The following COL26A1 variants were observed in gnomAD, a reference collection of about 807,000 sequenced individuals.
The protein encoded by COL26A1 is collagen type XXVI alpha 1 chain.
In COL26A1, 41 loss-of-function variants were observed where a neutral mutation model predicts 59.3. That is an observed-to-expected ratio of 0.69 (90% confidence interval 0.54 to 0.90). The LOEUF (loss-of-function observed/expected upper bound fraction) is 0.90, where lower values mean the gene tolerates loss of function less well. Among genes scored for constraint, COL26A1 ranks in the 40% least tolerant of loss-of-function variants. The pLI is 0.00. For synonymous variants in COL26A1, 266 were observed against 256.0 expected, an observed-to-expected ratio of 1.04 and a Z score of -0.37; for missense variants, 612 against 602.3, an observed-to-expected ratio of 1.02 and a Z score of -0.17.
chr7:101,420,866 A>C (rs1009642146), intron 2 of COL26A1, among the ~76,000 whole-genome samples: 1 of 151,072 alleles, frequency 6.6e-6, no homozygotes, highest in East Asian at 1.9e-4. Flanking sequence ...AGACACCAGC[A>C]TTCACGGTCT....
chr7:101,366,013 G>T (rs1252122736), intron 1 of COL26A1, among the ~76,000 whole-genome samples: 1 of 152,164 alleles, frequency 6.6e-6, no homozygotes, highest in African/African-American at 2.4e-5. Flanking sequence ...GAATCTTCCA[G>T]AACTCTTTCC....
At chr7:101,409,943 G>T (rs1343731996) in intron 1 of COL26A1, among the ~76,000 whole-genome samples, 1 of 152,086 alleles carries the variant, frequency 6.6e-6, no homozygotes, top group African/African-American at 2.4e-5. Flanking sequence ...TGTGTTTTTA[G>T]TAGAGACAGG....
intron 3 of COL26A1, among the ~76,000 whole-genome samples, chr7:101,521,476 G>A (rs1795139855): frequency 6.6e-6 from 1 of 152,146 alleles, no homozygotes; most frequent in African/African-American, 2.4e-5. Context: ...CCTTGGGGTG[G>A]TCAAGGAAGG....
At chr7:101,422,372 G>GAAAAAAA (rs3072484) in intron 2 of COL26A1, among the ~76,000 whole-genome samples, 2 of 72,978 alleles carry the variant, frequency 2.7e-5, no homozygotes, top group Non-Finnish European at 4.9e-5. Flanking sequence ...GGTCCAAAAT[G>GAAAAAAA]AAAAAAAAAA....
intron 3 of COL26A1, among the ~76,000 whole-genome samples, chr7:101,468,906 G>T (rs1302577767): frequency 6.6e-6 from 1 of 152,192 alleles, no homozygotes; most frequent in Non-Finnish European, 1.5e-5. Context: ...CCATTAAGCA[G>T]CTAGATGGAG....
At chr7:101,370,011 T>C (rs914957532) in intron 1 of COL26A1, among the ~76,000 whole-genome samples, 4 of 151,810 alleles carry the variant, frequency 2.6e-5, no homozygotes, top group African/African-American at 9.7e-5. Context: ...TACAGGCATG[T>C]GCCATCATGC....
chr7:101,363,294 G>A, intron 1 of COL26A1, 104 bp downstream of exon 1: 1 of 1,025,660 alleles, frequency 9.7e-7, no homozygotes, highest in Non-Finnish European at 1.3e-6. Context: ...CTGGAGAGCG[G>A]GGCGATCCGG....
intron 3 of COL26A1, among the ~76,000 whole-genome samples, chr7:101,470,417 A>C (rs990080462): frequency 1.3e-5 from 2 of 151,866 alleles, no homozygotes; most frequent in Non-Finnish European, 2.9e-5. Context: ...TTCTATTGGC[A>C]TAGCTGCCGG....
intron 2 of COL26A1, among the ~76,000 whole-genome samples, chr7:101,447,316 C>T (rs1477644671): frequency 1.3e-5 from 2 of 152,096 alleles, no homozygotes; most frequent in African/African-American, 4.8e-5. Context: ...CAGACTGGTA[C>T]CCAGGTAAGA....
intron 1 of COL26A1, among the ~76,000 whole-genome samples, chr7:101,405,699 C>T (rs1205198822): frequency 6.6e-6 from 1 of 152,230 alleles, no homozygotes; most frequent in Non-Finnish European, 1.5e-5. Flanking sequence ...ATCTCTCCCC[C>T]TAGCCTGTTC....
intron 3 of COL26A1, among the ~76,000 whole-genome samples, chr7:101,473,612 A>G (rs1173707786): frequency 6.0e-5 from 2 of 33,358 alleles, no homozygotes; most frequent in Non-Finnish European, 1.4e-4. Flanking sequence ...TTGTCTCCAC[A>G]CACACACACA....
At chr7:101,537,852 A>C in intron 4 of COL26A1, among the ~76,000 whole-genome samples, 1 of 150,756 alleles carries the variant, frequency 6.6e-6, no homozygotes. Context: ...ATGGTCCTCT[A>C]CCTCCACTTC....
At chr7:101,367,846 A>G (rs909102486) in intron 1 of COL26A1, among the ~76,000 whole-genome samples, 1 of 152,222 alleles carries the variant, frequency 6.6e-6, no homozygotes, top group Non-Finnish European at 1.5e-5. Context: ...TGAGAAATAA[A>G]TGTCTGCTAC....
intron 7 of COL26A1, 122 bp from the exon 8 acceptor site, chr7:101,547,034 G>A (rs963116481): frequency 4.8e-6 from 3 of 628,162 alleles, no homozygotes; most frequent in Non-Finnish European, 8.4e-6. Context: ...GGGCCCCAGG[G>A]TGATGGGAGG....
chr7:101,459,728 T>C (rs1057007566), intron 3 of COL26A1, among the ~76,000 whole-genome samples: 1 of 152,146 alleles, frequency 6.6e-6, no homozygotes, highest in African/African-American at 2.4e-5. Context: ...AACTTTATTC[T>C]GAGTAGGGGA....
chr7:101,475,916 CTCTT>C lies in COL26A1; in HGVS notation c.385+28137_385+28140del, dbSNP rs752531682. ...TCTTTCTCTCTCTTTCTCTCTCTCTCTCTTTCTTTCTCTCTCTCTTTCTTTCTTC... is the reference window on the plus strand; with the variant it reads ...TCTTTCTCTCTCTTTCTCTCTCTCTCTCTTTCTCTCTCTCTTTCTTTCTTC... On this transcript the variant is annotated intron_variant, in intron 3 of 12. Transcript: ENST00000313669. Among the ~76,000 whole-genome samples, 352 of 144,810 alleles carry C rather than the reference CTCTT, an allele frequency of 2.4e-3. 7 individuals are homozygous for C. The highest frequency in any genetic ancestry group is 7.6e-3 in the Admixed American group (108 of 14,234).
chr7:101,489,047 G>A (rs78179208), intron 3 of COL26A1, among the ~76,000 whole-genome samples: 5,771 of 152,260 alleles, frequency 0.038, 178 homozygotes, highest in Non-Finnish European at 0.056. Context: ...GCAAGATTCC[G>A]TGCTTCTACG....
chr7:101,530,566 T>TTAA (rs1795344082), intron 3 of COL26A1, among the ~76,000 whole-genome samples: 1 of 90,250 alleles, frequency 1.1e-5, no homozygotes, highest in African/African-American at 4.8e-5. Flanking sequence ...ACTCTGTCTT[T>TTAA]AAAAAAAAAA....
At chr7:101,400,132 G>C (rs920150143) in intron 1 of COL26A1, among the ~76,000 whole-genome samples, 1 of 152,128 alleles carries the variant, frequency 6.6e-6, no homozygotes, top group African/African-American at 2.4e-5. Context: ...GGATGTGGAA[G>C]ACGAGTAGGT....
Sources: gnomAD v4.1 joint callset for allele counts (sites outside exome capture counted in the v4.1 genomes callset) on GRCh38, gnomAD v4.1.1 for gene constraint, MANE v1.5 for transcripts, NCBI Gene and HGNC (gene_info 2026-07-23, HGNC 2026-07-21) for gene names.